The following RTN4RL1 variants were observed in gnomAD, a reference collection of about 807,000 sequenced individuals.
RTN4RL1 encodes the protein reticulon-4 receptor-like 1.
RTN4RL1 carries 7 observed loss-of-function variants against 25.6 expected under a neutral mutation model. That is an observed-to-expected ratio of 0.27 (90% CI 0.16 to 0.51). The LOEUF is 0.51. Among genes scored for constraint, RTN4RL1 ranks in the 20% least tolerant of loss-of-function variants. The pLI is 0.97. For missense variants in RTN4RL1, 500 were observed against 615.6 expected (o/e 0.81, Z 1.99); for synonymous variants, 297 against 288.2 (o/e 1.03, Z -0.31).
intron 1 of RTN4RL1, among the ~76,000 whole-genome samples, chr17:1,978,873 G>A (rs868035833): frequency 2.0e-5 from 3 of 152,352 alleles, no homozygotes; most frequent in South Asian, 2.1e-4. Flanking sequence ...ACCTCTCAGA[G>A]GTAGGGCCCA....
In RTN4RL1 at chr17:2,024,974, G is replaced by A. The variant is rs1238330295; in HGVS notation, c.-109C>T. Reference sequence around the variant, plus strand: ...CAGCTAATCCGAGCGCGTCGAGGCGGGGGCAAGCCGGGGATCCGCTCGTGC... The same window carrying A: ...CAGCTAATCCGAGCGCGTCGAGGCGAGGGCAAGCCGGGGATCCGCTCGTGC... On this transcript the variant is annotated 5_prime_UTR_variant, in exon 1 of 2. Coordinates refer to ENST00000331238, the MANE Select transcript of RTN4RL1 (RefSeq NM_178568.4). The A allele has an allele frequency of 2.5e-6, 3 of 1,192,564 alleles. No individual in the cohort carries two copies. The Admixed American group carries it at 6.6e-5, about 26-fold the overall frequency. The allele number at this position is 1,192,564 out of a possible 1,614,324, so 73.9% of individuals were successfully genotyped here. A position where few individuals can be genotyped will look rare whatever the true frequency, so the allele number is the denominator to read the frequency against.
chr17:1,951,468 T>A (rs1915677734), intron 1 of RTN4RL1, among the ~76,000 whole-genome samples: 1 of 151,298 alleles, frequency 6.6e-6, no homozygotes, highest in East Asian at 2.0e-4. Context: ...GTTTGTTTTT[T>A]TGGGACAGAG....
intron 1 of RTN4RL1, among the ~76,000 whole-genome samples, chr17:1,944,003 G>C (rs1000314019): frequency 8.5e-5 from 13 of 152,090 alleles, no homozygotes; most frequent in African/African-American, 2.9e-4. Flanking sequence ...ATAGCTCACT[G>C]CAACCTCAAC....
At chr17:2,022,848 A>G (rs935683868) in intron 1 of RTN4RL1, among the ~76,000 whole-genome samples, 1 of 152,172 alleles carries the variant, frequency 6.6e-6, no homozygotes, top group African/African-American at 2.4e-5. Flanking sequence ...AAACAGCCCG[A>G]GTGGCAAACA....
chr17:1,995,006 G>C (rs1455903030), intron 1 of RTN4RL1, among the ~76,000 whole-genome samples: 1 of 152,046 alleles, frequency 6.6e-6, no homozygotes, highest in African/African-American at 2.4e-5. Flanking sequence ...CCAAGGCCCT[G>C]TGTCTGGAGC....
In RTN4RL1 at chr17:1,937,227, G is replaced by C; in HGVS notation, c.595C>G (p.Leu199Val). The C allele has an allele frequency of 1.2e-6, 2 of 1,612,282 alleles. No homozygotes were observed. Among genetic ancestry groups the C allele is most frequent in the Non-Finnish European group, 1.7e-6 (2 of 1,179,874 alleles). Residue 199 changes from leucine to valine, a missense_variant, in exon 2 of 2, where the codon CTG (leucine) becomes GTG (valine). By Grantham distance (32) the Leu-to-Val change is conservative. Transcript: ENST00000331238. ...TTCTCGTGCAGCAAAAGACGGTCCA[G>C]GTTCACCAGGCCCCGGAAGGTGCCC... ...GPGTFRGLVNLDRLLLHENQL... is the reference protein window; with the variant it reads ...GPGTFRGLVNVDRLLLHENQL...
chr17:2,022,658 T>G (rs2067223789), intron 1 of RTN4RL1, among the ~76,000 whole-genome samples: 1 of 152,242 alleles, frequency 6.6e-6, no homozygotes. Flanking sequence ...GAAAACTGCC[T>G]GCCCAGGAAA....
intron 1 of RTN4RL1, among the ~76,000 whole-genome samples, chr17:1,993,270 G>T (rs941646098): frequency 1.3e-5 from 2 of 152,046 alleles, no homozygotes; most frequent in African/African-American, 4.8e-5. Context: ...GAAAAGAAAA[G>T]AAACTACAGG....
intron 1 of RTN4RL1, among the ~76,000 whole-genome samples, chr17:1,966,333 C>T (rs909548205): frequency 6.6e-6 from 1 of 152,132 alleles, no homozygotes; most frequent in African/African-American, 2.4e-5. Flanking sequence ...GGCCCCCTCT[C>T]CTGTCAGGAG....
rs112068936 is a variant in RTN4RL1, at chr17:1,966,523, A to C, written c.14-28715T>G. ...AAGGAGCAGCCTAACTTCCCTGGAC[A>C]GGAGTGCTTCCCAGCGCTCAGTGGA... is the stretch of plus-strand genomic sequence containing the variant. On this transcript the variant is annotated intron_variant, in intron 1 of 1. Transcript: ENST00000331238. 1.3e-3 allele frequency among the ~76,000 whole-genome samples: 193 copies of C among 152,286 alleles called. 1 individual carries two copies. Among genetic ancestry groups the C allele is most frequent in the African/African-American group, 4.4e-3 (183 of 41,568 alleles).
chr17:1,949,619 G>A (rs572712698), intron 1 of RTN4RL1, among the ~76,000 whole-genome samples: 85 of 152,246 alleles, frequency 5.6e-4, no homozygotes, highest in African/African-American at 2.0e-3. Flanking sequence ...TCCATCACCC[G>A]GTTCTGAATC....
chr17:2,016,758 C>T (rs2067129918), intron 1 of RTN4RL1, among the ~76,000 whole-genome samples: 1 of 152,236 alleles, frequency 6.6e-6, no homozygotes, highest in Admixed American at 6.5e-5. Flanking sequence ...CCATTGTCCC[C>T]AGCGTCCGGC....
chr17:1,961,773 CAAAA>C (rs1163170575), intron 1 of RTN4RL1, among the ~76,000 whole-genome samples: 130 of 55,592 alleles, frequency 2.3e-3, no homozygotes, highest in African/African-American at 5.8e-3. Context: ...ACTAAAAATA[CAAAA>C]AAAAAAAAAA....
chr17:1,952,761 C>T (rs1439716643), intron 1 of RTN4RL1, among the ~76,000 whole-genome samples: 1 of 151,918 alleles, frequency 6.6e-6, no homozygotes, highest in African/African-American at 2.4e-5. Flanking sequence ...GGCTCCTCTC[C>T]TGCCGGGGGT....
At chr17:1,943,217 G>A (rs566552658) in intron 1 of RTN4RL1, among the ~76,000 whole-genome samples, 13 of 152,328 alleles carry the variant, frequency 8.5e-5, no homozygotes, top group East Asian at 1.9e-4. Context: ...GTAAGGCACC[G>A]GCCACGGCAC....
chr17:1,954,318 G>A (rs576820253), intron 1 of RTN4RL1, among the ~76,000 whole-genome samples: 2 of 151,510 alleles, frequency 1.3e-5, no homozygotes, highest in East Asian at 1.9e-4. Context: ...ACCTGCTCCA[G>A]AAGCCTCCCT....
At chr17:1,952,970 G>C (rs891698647) in intron 1 of RTN4RL1, among the ~76,000 whole-genome samples, 1 of 151,392 alleles carries the variant, frequency 6.6e-6, no homozygotes, top group African/African-American at 2.4e-5. Context: ...CCAGCTACTC[G>C]GGAGGCTGAG....
chr17:1,976,743 G>T (rs572455231), intron 1 of RTN4RL1, among the ~76,000 whole-genome samples: 1 of 152,338 alleles, frequency 6.6e-6, no homozygotes, highest in Admixed American at 6.5e-5. Flanking sequence ...GGGGCAGGGA[G>T]CCAGGGGTGA....
At chr17:1,959,597 C>T (rs1179111782) in intron 1 of RTN4RL1, among the ~76,000 whole-genome samples, 1 of 152,162 alleles carries the variant, frequency 6.6e-6, no homozygotes, top group Non-Finnish European at 1.5e-5. Context: ...CAGAGTCTCA[C>T]TGTGTCACCC....
Sources: gnomAD v4.1 joint callset for allele counts (sites outside exome capture counted in the v4.1 genomes callset) on GRCh38, gnomAD v4.1.1 for gene constraint, MANE v1.5 for transcripts, NCBI Gene and HGNC (gene_info 2026-07-23, HGNC 2026-07-21) for gene names.